Variants in TTC7A observed in about 807,000 individuals in gnomAD.
The protein encoded by TTC7A is tetratricopeptide repeat domain 7A, also known as tetratricopeptide repeat protein 7A.
Under a neutral mutation model 103.7 loss-of-function variants are expected in TTC7A, and 110 were observed. The observed-to-expected ratio is 1.06, with a 90% CI of 0.91 to 1.24. The LOEUF is 1.24. TTC7A is among the 50% of genes most tolerant of loss of function. The pLI is 0.00. For missense variants in TTC7A, 1,340 were observed against 1,116.3 expected, an observed-to-expected ratio of 1.20 and a Z score of -2.86; for synonymous variants, 521 against 467.9, an observed-to-expected ratio of 1.11 and a Z score of -1.47.
rs568082272 is a variant in TTC7A, at chr2:47,011,330, G to T, written c.1288-1G>T. 9 of 1,611,416 alleles carry T rather than the reference G, an allele frequency of 5.6e-6. No homozygotes were observed. The highest frequency in any genetic ancestry group is 2.2e-5 in the East Asian group (1 of 44,832). On this transcript the variant is annotated splice_acceptor_variant, in intron 10 of 19. Coordinates refer to ENST00000319190, the MANE Select transcript of TTC7A (RefSeq NM_020458.4). LOFTEE classifies it high-confidence loss of function. ...GTGTTTCCTGCTCTTTTTTTCTGCA[G>T]TCAGCCTACGCTGTGTCCCTGCTGC...
chr2:46,950,630 C>T, intron 2 of TTC7A, 104 bp downstream of exon 2: 1 of 1,279,910 alleles, frequency 7.8e-7, no homozygotes, highest in South Asian at 1.5e-5. Flanking sequence ...CAACAAGTCT[C>T]TCTTACAAGC....
At chr2:47,022,520 C>A (rs1001228023) in intron 12 of TTC7A, among the ~76,000 whole-genome samples, 12 of 152,176 alleles carry the variant, frequency 7.9e-5, no homozygotes, top group African/African-American at 1.7e-4. Flanking sequence ...TCTTGCCAAC[C>A]CTGCCAGCTC....
intron 19 of TTC7A, chr2:47,067,743 CTGT>C (rs1281798989): frequency 1.3e-5 from 2 of 152,108 alleles, no homozygotes; most frequent in Non-Finnish European, 2.9e-5. Flanking sequence ...GCACCTAGGG[CTGT>C]TGTTAGAATT....
At chr2:47,011,471 C>T (rs1678046593) in intron 11 of TTC7A, 36 bp downstream of exon 11, 1 of 1,538,856 alleles carries the variant, frequency 6.5e-7, no homozygotes, top group South Asian at 1.1e-5. Flanking sequence ...CAGAGGCCTC[C>T]TGTGGGGAGG....
rs200826158 is a variant in TTC7A at position 47,073,860 on chromosome 2, C to T, written c.2514C>T (p.Thr838=). The T allele has an allele frequency of 5.8e-5, 93 of 1,613,734 alleles. No homozygotes were observed. The East Asian group carries it at 6.0e-4, about 10-fold the overall frequency. The change falls in exon 20 of 20, where the codon ACC becomes ACT. Residue 838 remains threonine (T), a synonymous_variant. Transcript: ENST00000319190. ...QNEAAVDCFL[T]ALELEASSPV... ...AGGCTGCCGTTGACTGCTTCCTCACCGCCCTTGAGCTGGAGGCCAGCAGCC... is the reference window on the plus strand; with the variant it reads ...AGGCTGCCGTTGACTGCTTCCTCACTGCCCTTGAGCTGGAGGCCAGCAGCC...
At chr2:47,011,476 G>C in intron 11 of TTC7A, 41 bp downstream of exon 11, 1 of 1,519,734 alleles carries the variant, frequency 6.6e-7, no homozygotes, top group Non-Finnish European at 9.0e-7. Flanking sequence ...GCCTCCTGTG[G>C]GGAGGGTGGC....
intron 13 of TTC7A, 35 bp from the exon 14 acceptor site, chr2:47,024,251 CT>C (rs760000425): frequency 1.4e-5 from 22 of 1,564,858 alleles, no homozygotes; most frequent in Non-Finnish European, 1.9e-5. Flanking sequence ...CACTCAACCC[CT>C]GGTGCCTGAC....
intron 11 of TTC7A, among the ~76,000 whole-genome samples, chr2:47,013,865 G>C (rs930006621): frequency 1.3e-5 from 2 of 152,174 alleles, no homozygotes; most frequent in Non-Finnish European, 2.9e-5. Flanking sequence ...GCATATTTGG[G>C]TTCAGGGGCT....
chr2:46,925,082 C>G (rs913799732), intron 2 of TTC7A, among the ~76,000 whole-genome samples: 1 of 152,316 alleles, frequency 6.6e-6, no homozygotes, highest in African/African-American at 2.4e-5. Flanking sequence ...TTCTGTAATA[C>G]AGATCTGTTT....
intron 8 of TTC7A, 67 bp downstream of exon 8, chr2:46,995,266 C>G (rs889558435): frequency 2.0e-6 from 3 of 1,527,964 alleles, no homozygotes; most frequent in Admixed American, 3.5e-5. Flanking sequence ...CTGTGGGGCC[C>G]AGGTACAGGC....
At chr2:46,933,276 T>C (rs569316092) in intron 2 of TTC7A, among the ~76,000 whole-genome samples, 20 of 152,296 alleles carry the variant, frequency 1.3e-4, no homozygotes, top group East Asian at 9.6e-4. Flanking sequence ...TGGAGAGATA[T>C]TGGTATCTCA....
chr2:47,017,465 A>T (rs1329602609), intron 11 of TTC7A, among the ~76,000 whole-genome samples: 1 of 152,010 alleles, frequency 6.6e-6, no homozygotes, highest in East Asian at 1.9e-4. Flanking sequence ...TGAGCCCAGG[A>T]GGTCAAGGCT....
At chr2:46,963,530 A>C (rs991156140) in intron 3 of TTC7A, among the ~76,000 whole-genome samples, 2 of 152,248 alleles carry the variant, frequency 1.3e-5, no homozygotes, top group African/African-American at 4.8e-5. Flanking sequence ...ACCTCAGCCC[A>C]GCCAATCCTG....
chr2:47,030,897 G>GCA (rs1288418725), intron 15 of TTC7A, among the ~76,000 whole-genome samples: 24 of 152,356 alleles, frequency 1.6e-4, no homozygotes, highest in African/African-American at 5.8e-4. Context: ...TATAATCCCA[G>GCA]CACTTTGGGA....
At position 47,021,947 on chromosome 2, in the gene TTC7A, T is replaced by A. The variant is rs1393438014; in HGVS notation, c.1478T>A (p.Leu493Gln). The A allele has an allele frequency of 6.2e-7, 1 of 1,614,088 alleles. No individual in the cohort carries two copies. The highest frequency in any genetic ancestry group is 8.5e-7 in the Non-Finnish European group (1 of 1,179,952). Reference protein sequence around the residue: ...GEFLPKGYLALGLTYSLQATD... With the variant: ...GEFLPKGYLAQGLTYSLQATD... ...TTCCTCCCCAAGGGCTACCTGGCTCTGGGTCTCACCTATAGCCTGCAGGCC... is the reference window on the plus strand; with the variant it reads ...TTCCTCCCCAAGGGCTACCTGGCTCAGGGTCTCACCTATAGCCTGCAGGCC... The change falls in exon 12 of 20, where the codon CTG (leucine) becomes CAG (glutamine). Residue 493 changes from leucine to glutamine, a missense_variant. Physicochemically the swap from Leu to Gln is moderately radical, Grantham distance 113. Coordinates refer to ENST00000319190, the MANE Select transcript of TTC7A (RefSeq NM_020458.4).
intron 6 of TTC7A, 121 bp downstream of exon 6, chr2:46,993,649 C>T: frequency 1.2e-6 from 1 of 867,144 alleles, no homozygotes; most frequent in Non-Finnish European, 1.9e-6. Flanking sequence ...CTGCTTGTGG[C>T]AGAGGTTGGT....
intron 14 of TTC7A, among the ~76,000 whole-genome samples, chr2:47,026,850 C>T (rs1464467438): frequency 6.6e-6 from 1 of 152,190 alleles, no homozygotes; most frequent in Non-Finnish European, 1.5e-5. Context: ...GAGGTGAGTC[C>T]TCTTGCCCTA....
At chr2:47,069,294 C>T (rs1177614352) in intron 19 of TTC7A, among the ~76,000 whole-genome samples, 5 of 152,164 alleles carry the variant, frequency 3.3e-5, no homozygotes, top group Non-Finnish European at 7.3e-5. Flanking sequence ...GGCCCCTGGC[C>T]GCTGGTCCCT....
At chr2:46,931,610 A>G (rs899214043) in intron 2 of TTC7A, among the ~76,000 whole-genome samples, 1 of 152,154 alleles carries the variant, frequency 6.6e-6, no homozygotes, top group African/African-American at 2.4e-5. Flanking sequence ...CAAGGAATGC[A>G]GTCGGCCTCT....
Sources: gnomAD v4.1 joint callset for allele counts (sites outside exome capture counted in the v4.1 genomes callset) on GRCh38, gnomAD v4.1.1 for gene constraint, MANE v1.5 for transcripts, NCBI Gene and HGNC (gene_info 2026-07-23, HGNC 2026-07-21) for gene names.